Variants in RBFOX1 observed in about 807,000 individuals in gnomAD.
RBFOX1 encodes RNA binding protein fox-1 homolog 1.
RBFOX1 carries 8 observed loss-of-function variants against 57.7 expected under a neutral mutation model. The observed-to-expected ratio is 0.14, with a 90% confidence interval of 0.08 to 0.25. The LOEUF (loss-of-function observed/expected upper bound fraction) is 0.25. RBFOX1 is among the 10% of genes least tolerant of loss of function. The probability of loss-of-function intolerance (pLI) is 1.00; values close to 1 mark genes in which losing one functional copy is unlikely to be tolerated. For missense variants in RBFOX1, 611 were observed against 548.5 expected (o/e 1.11, Z -1.14); for synonymous variants, 326 against 222.4 (o/e 1.47, Z -4.15).
chr16:7,693,219 C>T (rs2077763313), intron 14 of RBFOX1: 1 of 967,636 alleles, frequency 1.0e-6, no homozygotes, highest in Non-Finnish European at 1.7e-6. Flanking sequence ...ACACGCAGCA[C>T]CCTTCCCTCC....
At chr16:7,317,656 C>T (rs1195657507) in intron 4 of RBFOX1, among the ~76,000 whole-genome samples, 1 of 152,092 alleles carries the variant, frequency 6.6e-6, no homozygotes, top group Non-Finnish European at 1.5e-5. Flanking sequence ...CTGAGCAGTA[C>T]CTCCACCCGC....
intron 1 of RBFOX1, among the ~76,000 whole-genome samples, chr16:6,161,313 T>C (rs562618252): frequency 3.3e-5 from 5 of 150,698 alleles, no homozygotes; most frequent in Non-Finnish European, 7.4e-5. Flanking sequence ...CGCTTGAGCC[T>C]GGGAGGCAAA....
chr16:7,119,247 C>G (rs2066579656), intron 4 of RBFOX1, among the ~76,000 whole-genome samples: 3 of 152,032 alleles, frequency 2.0e-5, no homozygotes, highest in African/African-American at 7.2e-5. Context: ...TTTTTGTGTC[C>G]ATTCACATAT....
At chr16:7,537,587 G>T (rs780589337) in intron 5 of RBFOX1, among the ~76,000 whole-genome samples, 2 of 152,178 alleles carry the variant, frequency 1.3e-5, no homozygotes, top group African/African-American at 4.8e-5. Context: ...CACTGAGCTG[G>T]GGGTGAAGAC....
At chr16:6,692,018 C>A (rs1418226611) in intron 3 of RBFOX1, among the ~76,000 whole-genome samples, 2 of 152,166 alleles carry the variant, frequency 1.3e-5, no homozygotes, top group Admixed American at 6.5e-5. Flanking sequence ...GGAAACACAG[C>A]CCTGCCTGTT....
At position 6,993,229 on chromosome 16, in the gene RBFOX1, C is replaced by G. The variant is rs527459315; in HGVS notation, c.-15-58828C>G. ...TTGATAGCTGTGCAATGACTTGTTG[C>G]TACTGTAGAGGGGACCCTGCACACA... On this transcript the variant is annotated intron_variant, in intron 3 of 15. Coordinates refer to ENST00000550418, the MANE Select transcript of RBFOX1 (RefSeq NM_018723.4). 1.6e-4 allele frequency among the ~76,000 whole-genome samples: 24 copies of G among 152,248 alleles called. 1 individual carries two copies. The South Asian group carries it at 4.4e-3, about 28-fold the overall frequency.
chr16:5,311,176 C>A (rs545321643), intron 1 of RBFOX1, among the ~76,000 whole-genome samples: 6 of 152,102 alleles, frequency 3.9e-5, no homozygotes, highest in Non-Finnish European at 8.8e-5. Context: ...TTATTTCATT[C>A]TTTTTTATGG....
intron 3 of RBFOX1, among the ~76,000 whole-genome samples, chr16:5,796,193 T>C (rs76382285): frequency 0.028 from 4,234 of 152,250 alleles, 203 homozygotes; most frequent in African/African-American, 0.098. Flanking sequence ...GTCAAGTGGA[T>C]CCACCCACTT....
chr16:7,003,033 T>A (rs1012090111), intron 3 of RBFOX1, among the ~76,000 whole-genome samples: 1 of 151,178 alleles, frequency 6.6e-6, no homozygotes, highest in Non-Finnish European at 1.5e-5. Flanking sequence ...TTCTTCTTCT[T>A]TTTTCTCTGT....
chr16:6,919,934 C>G (rs564546737), intron 3 of RBFOX1, among the ~76,000 whole-genome samples: 9 of 152,054 alleles, frequency 5.9e-5, no homozygotes, highest in African/African-American at 1.9e-4. Flanking sequence ...CCTTTACCCC[C>G]TCCCACTTTT....
At chr16:5,756,081 T>C (rs141212800) in intron 3 of RBFOX1, among the ~76,000 whole-genome samples, 3 of 152,182 alleles carry the variant, frequency 2.0e-5, no homozygotes, top group Non-Finnish European at 4.4e-5. Context: ...TCTCTCCCAG[T>C]GCCTTCTAAG....
At chr16:7,390,367 G>C (rs1456495298) in intron 4 of RBFOX1, among the ~76,000 whole-genome samples, 1 of 152,176 alleles carries the variant, frequency 6.6e-6, no homozygotes, top group Non-Finnish European at 1.5e-5. Context: ...AAATCTGAGA[G>C]ACACCCAAAC....
chr16:5,334,544 G>A (rs1181625912), intron 1 of RBFOX1, among the ~76,000 whole-genome samples: 6 of 151,980 alleles, frequency 3.9e-5, no homozygotes, highest in Admixed American at 1.3e-4. Flanking sequence ...GATGAAGAAG[G>A]AACAGAAGGA....
At chr16:5,366,043 A>G (rs1200685110) in intron 1 of RBFOX1, 1 of 482,684 alleles carries the variant, frequency 2.1e-6, no homozygotes, top group Non-Finnish European at 4.0e-6. Flanking sequence ...AAATGTCTGT[A>G]CAGCAATGGT....
intron 14 of RBFOX1, among the ~76,000 whole-genome samples, chr16:7,699,799 C>G (rs551084421): frequency 6.6e-6 from 1 of 151,592 alleles, no homozygotes; most frequent in Non-Finnish European, 1.5e-5. Flanking sequence ...GCATGTGTGG[C>G]TTTTATTATG....
chr16:5,881,304 T>G (rs946243134), intron 4 of RBFOX1, among the ~76,000 whole-genome samples: 3 of 152,214 alleles, frequency 2.0e-5, no homozygotes, highest in African/African-American at 7.2e-5. Flanking sequence ...TCTACCACCT[T>G]GTGGTAGTGA....
chr16:7,596,063 T>G (rs573979127), intron 8 of RBFOX1, among the ~76,000 whole-genome samples: 1 of 150,016 alleles, frequency 6.7e-6, no homozygotes, highest in African/African-American at 2.4e-5. Flanking sequence ...TAAACCAAAT[T>G]GGGAAAGCAA....
At chr16:7,445,825 C>T (rs551890881) in intron 4 of RBFOX1, among the ~76,000 whole-genome samples, 1 of 152,224 alleles carries the variant, frequency 6.6e-6, no homozygotes, top group East Asian at 1.9e-4. Context: ...ATTTATAGAA[C>T]CTTTATCTCA....
chr16:5,442,389 C>G (rs2068111649), intron 1 of RBFOX1, among the ~76,000 whole-genome samples: 1 of 152,174 alleles, frequency 6.6e-6, no homozygotes, highest in Non-Finnish European at 1.5e-5. Context: ...AGTTGAAGGA[C>G]TGGAAGCTCA....
Sources: gnomAD v4.1 joint callset for allele counts (sites outside exome capture counted in the v4.1 genomes callset) on GRCh38, gnomAD v4.1.1 for gene constraint, MANE v1.5 for transcripts, NCBI Gene and HGNC (gene_info 2026-07-23, HGNC 2026-07-21) for gene names.